The following ZDHHC2 variants were observed in gnomAD, a reference collection of about 807,000 sequenced individuals.
ZDHHC2 encodes zDHHC palmitoyltransferase 2.
Under a neutral mutation model 55.6 loss-of-function variants are expected in ZDHHC2, and 51 were observed. That is an observed-to-expected ratio of 0.92 (90% confidence interval 0.73 to 1.16). The LOEUF is 1.16. Among genes scored for constraint, ZDHHC2 ranks in the 50% most tolerant of loss-of-function variants. The pLI, the probability that ZDHHC2 is intolerant of heterozygous loss-of-function variation, is 0.00. For synonymous variants in ZDHHC2, 199 were observed against 152.9 expected (o/e 1.30, Z -2.22); for missense variants, 491 against 442.4 (o/e 1.11, Z -0.99).
intron 7 of ZDHHC2, among the ~76,000 whole-genome samples, chr8:17,206,457 A>G (rs979336977): frequency 6.6e-6 from 1 of 152,222 alleles, no homozygotes; most frequent in Non-Finnish European, 1.5e-5. Flanking sequence ...GCAGTTTTTC[A>G]GTGTTCACAA....
chr8:17,217,123 T>C (rs1297891758), intron 11 of ZDHHC2, 49 bp from the exon 12 acceptor site: 1 of 1,590,690 alleles, frequency 6.3e-7, no homozygotes, highest in Non-Finnish European at 8.6e-7. Context: ...AGTTTCTGCC[T>C]ATTTGTTCAA....
At chr8:17,167,953 T>G (rs2150884498) in intron 1 of ZDHHC2, among the ~76,000 whole-genome samples, 1 of 152,300 alleles carries the variant, frequency 6.6e-6, no homozygotes, top group East Asian at 1.9e-4. Context: ...CACCCGCCCT[T>G]AATGTGCTAA....
chr8:17,180,375 A>G (rs79768999), intron 1 of ZDHHC2, among the ~76,000 whole-genome samples: 3,318 of 152,316 alleles, frequency 0.022, 57 homozygotes, highest in Non-Finnish European at 0.034. Context: ...CAATTGACTT[A>G]TAAGATAATT....
At chr8:17,192,723 C>G (rs1454546692) in intron 3 of ZDHHC2, among the ~76,000 whole-genome samples, 1 of 152,108 alleles carries the variant, frequency 6.6e-6, no homozygotes, top group Non-Finnish European at 1.5e-5. Flanking sequence ...GAGAGTTTCC[C>G]CAACGTTTTC....
chr8:17,175,607 C>G (rs1201378227), intron 1 of ZDHHC2, among the ~76,000 whole-genome samples: 1 of 152,156 alleles, frequency 6.6e-6, no homozygotes, highest in East Asian at 1.9e-4. Flanking sequence ...AAATTCTATT[C>G]TAGGTGCTTT....
Position 17,195,524 on chromosome 8 carries a change from G to C in ZDHHC2, c.273G>C (p.Glu91Asp). 6.2e-7 allele frequency: 1 copy of C among 1,613,626 alleles called. No individual in the cohort carries two copies. The highest frequency in any genetic ancestry group is 8.5e-7 in the Non-Finnish European group (1 of 1,179,732). ...PSKEFHLSYA[E>D]KDLLEREPRG... ...CACAGTTCCATCTCTCTTATGCAGA[G>C]AAAGATTTGTTGGAGAGAGAGCCAA... The change falls in exon 4 of 13, where the codon GAG becomes GAC. Residue 91 changes from glutamate to aspartate, a missense_variant. Transcript: ENST00000262096.
At chr8:17,180,455 A>G (rs1805377499) in intron 1 of ZDHHC2, among the ~76,000 whole-genome samples, 1 of 152,098 alleles carries the variant, frequency 6.6e-6, no homozygotes, top group Non-Finnish European at 1.5e-5. Context: ...TTTTGCATTT[A>G]TTTCTTTCAG....
intron 9 of ZDHHC2, 142 bp downstream of exon 9, chr8:17,210,200 A>G: frequency 8.8e-7 from 1 of 1,134,412 alleles, no homozygotes; most frequent in South Asian, 1.7e-5. Context: ...TCTATGATTC[A>G]CCATAATATC....
At chr8:17,190,618 T>C (rs1443580356) in intron 3 of ZDHHC2, among the ~76,000 whole-genome samples, 2 of 152,098 alleles carry the variant, frequency 1.3e-5, no homozygotes, top group East Asian at 3.9e-4. Flanking sequence ...CGCACTAAAT[T>C]ATATTTTGAA....
intron 1 of ZDHHC2, among the ~76,000 whole-genome samples, chr8:17,165,927 G>A (rs1156376239): frequency 6.6e-6 from 1 of 152,226 alleles, no homozygotes; most frequent in Admixed American, 6.5e-5. Flanking sequence ...AGAGGCAGGG[G>A]TCAGCCCAGC....
At chr8:17,170,432 C>A (rs542623199) in intron 1 of ZDHHC2, among the ~76,000 whole-genome samples, 2 of 152,140 alleles carry the variant, frequency 1.3e-5, no homozygotes, top group African/African-American at 4.8e-5. Context: ...GAATTACATC[C>A]TTATATAGTT....
intron 1 of ZDHHC2, among the ~76,000 whole-genome samples, chr8:17,161,614 TTGGGAGGCCAAGG>T (rs1331384092): frequency 1.3e-5 from 2 of 152,178 alleles, no homozygotes; most frequent in African/African-American, 4.8e-5. Context: ...TCCCAGCACT[TTGGGAGGCCAAGG>T]TGGGAGGATC....
chr8:17,201,400 A>G (rs951384582), intron 6 of ZDHHC2, among the ~76,000 whole-genome samples: 1 of 146,932 alleles, frequency 6.8e-6, no homozygotes, highest in Non-Finnish European at 1.5e-5. Flanking sequence ...GCTTTGTGTG[A>G]ATGTATTCAT....
At chr8:17,203,559 C>T (rs1377355036) in intron 6 of ZDHHC2, among the ~76,000 whole-genome samples, 1 of 151,948 alleles carries the variant, frequency 6.6e-6, no homozygotes, top group East Asian at 2.0e-4. Context: ...TTAAAGCACC[C>T]AGCTTTTGCC....
chr8:17,191,443 C>G (rs1321329566), intron 3 of ZDHHC2, among the ~76,000 whole-genome samples: 1 of 152,140 alleles, frequency 6.6e-6, no homozygotes, highest in African/African-American at 2.4e-5. Context: ...GTTAACTTTC[C>G]CCACTTATGT....
intron 1 of ZDHHC2, among the ~76,000 whole-genome samples, chr8:17,172,989 T>C (rs1804939465): frequency 6.6e-6 from 1 of 152,222 alleles, no homozygotes; most frequent in African/African-American, 2.4e-5. Flanking sequence ...TGTAAAATTA[T>C]GTTTGCAGAG....
At chr8:17,184,115 T>C (rs1209960189) in intron 1 of ZDHHC2, among the ~76,000 whole-genome samples, 1 of 152,076 alleles carries the variant, frequency 6.6e-6, no homozygotes, top group Non-Finnish European at 1.5e-5. Flanking sequence ...AAATAGACAA[T>C]ACAAAAGGCG....
At chr8:17,192,705 A>G (rs570779320) in intron 3 of ZDHHC2, among the ~76,000 whole-genome samples, 6 of 152,352 alleles carry the variant, frequency 3.9e-5, no homozygotes, top group African/African-American at 9.6e-5. Flanking sequence ...GCCTACACCA[A>G]TGCTTTGGAG....
Position 17,197,731 on chromosome 8 carries a change from C to G in ZDHHC2, c.443+80C>G, listed in dbSNP as rs1806393668. On this transcript the variant is annotated intron_variant, in intron 5 of 12. Coordinates refer to ENST00000262096, the MANE Select transcript of ZDHHC2 (RefSeq NM_016353.5). ...TTATGTTTCTTTTCTCACTGTTTTC[C>G]TGATTATCTTCTCCATATTCTCGCT... The G allele has an allele frequency of 4.8e-5, 68 of 1,413,934 alleles. 1 individual carries two copies. The South Asian group carries it at 7.2e-4, about 15-fold the overall frequency. The allele number at this position is 1,413,934 out of a possible 1,614,324, so 87.6% of individuals were successfully genotyped here.
Sources: allele counts gnomAD v4.1 joint callset (sites outside exome capture counted in the v4.1 genomes callset), GRCh38; gene constraint gnomAD v4.1.1; transcripts MANE v1.5; gene names NCBI Gene and HGNC (gene_info 2026-07-23, HGNC 2026-07-21).